The following MECOM variants were observed in gnomAD, a reference collection of about 807,000 sequenced individuals.
MECOM encodes MDS1 and EVI1 complex locus.
A neutral mutation model predicts 116.3 loss-of-function variants in MECOM; 13 were observed. The observed-to-expected ratio is 0.11, with a 90% CI of 0.07 to 0.18. The LOEUF is 0.18. Among genes scored for constraint, MECOM ranks in the 10% least tolerant of loss-of-function variants. The pLI is 1.00. For synonymous variants in MECOM, 528 were observed against 535.2 expected (o/e 0.99, Z 0.19); for missense variants, 1,299 against 1,509.0 (o/e 0.86, Z 2.31).
intron 3 of MECOM, among the ~76,000 whole-genome samples, chr3:169,142,504 T>C (rs1292164743): frequency 2.6e-5 from 4 of 151,972 alleles, no homozygotes; most frequent in African/African-American, 9.7e-5. Context: ...TATTTTCTGT[T>C]CACAATCAAT....
intron 1 of MECOM, among the ~76,000 whole-genome samples, chr3:169,534,548 T>TA (rs150716980): frequency 0.075 from 11,352 of 151,368 alleles, 505 homozygotes; most frequent in African/African-American, 0.12. Flanking sequence ...TTCCTTTTAT[T>TA]AAAAAAAAAC....
Position 169,227,920 on chromosome 3 carries a change from A to T in MECOM, c.376-84088T>A, listed in dbSNP as rs1037030733. ...GGGTGGGTATGGAGCAGTGTCCCTG[A>T]TGGGAACCATTGTTTTCTCATCCGA... On this transcript the variant is annotated intron_variant, in intron 2 of 16. Transcript: ENST00000651503. 2.0e-5 allele frequency among the ~76,000 whole-genome samples: 3 copies of T among 152,164 alleles called. 1 individual carries two copies. The highest frequency in any genetic ancestry group is 1.3e-4 in the Admixed American group (2 of 15,268).
intron 2 of MECOM, among the ~76,000 whole-genome samples, chr3:169,262,251 A>G (rs754601029): frequency 9.2e-5 from 14 of 152,226 alleles, no homozygotes; most frequent in Non-Finnish European, 1.3e-4. Context: ...GAACACTGGC[A>G]CATATTTTGG....
intron 1 of MECOM, chr3:169,470,119 T>G (rs1748959916): frequency 6.6e-6 from 1 of 152,208 alleles, no homozygotes; most frequent in Non-Finnish European, 1.5e-5. Context: ...AAAGTGTATA[T>G]GATTACAAAC....
chr3:169,377,187 T>C (rs377350677), intron 2 of MECOM, among the ~76,000 whole-genome samples: 303 of 152,258 alleles, frequency 2.0e-3, no homozygotes, highest in African/African-American at 7.0e-3. Context: ...TCAAGATGGA[T>C]TAAGATTTAC....
chr3:169,553,348 A>G (rs1346587191), intron 1 of MECOM, among the ~76,000 whole-genome samples: 3 of 152,256 alleles, frequency 2.0e-5, no homozygotes, highest in Non-Finnish European at 4.4e-5. Context: ...TGCTAAAAAA[A>G]GAAAATAAAG....
chr3:169,516,042 G>A (rs1168148194), intron 1 of MECOM, among the ~76,000 whole-genome samples: 4 of 151,912 alleles, frequency 2.6e-5, no homozygotes, highest in African/African-American at 9.7e-5. Context: ...TAAACACTAT[G>A]ACTAGTCAAA....
At chr3:169,107,709 G>A (rs952160187) in intron 10 of MECOM, among the ~76,000 whole-genome samples, 7 of 152,124 alleles carry the variant, frequency 4.6e-5, no homozygotes, top group African/African-American at 1.2e-4. Flanking sequence ...CAGATTTATC[G>A]AATAAAATCA....
chr3:169,102,317 G>A, intron 10 of MECOM, 91 bp from the exon 11 acceptor site: 1 of 1,226,206 alleles, frequency 8.2e-7, no homozygotes. Context: ...TAAAAGGGAA[G>A]CATGAAATCT....
chr3:169,149,620 G>T, intron 2 of MECOM: 1 of 469,390 alleles, frequency 2.1e-6, no homozygotes. Context: ...GTCCTTCCGA[G>T]CTACGAGAGG....
At chr3:169,340,793 T>C (rs919774120) in intron 2 of MECOM, among the ~76,000 whole-genome samples, 9 of 152,170 alleles carry the variant, frequency 5.9e-5, no homozygotes, top group African/African-American at 1.7e-4. Context: ...CTCAAGATGA[T>C]TTAGGGGATA....
At chr3:169,526,099 C>T (rs562902043) in intron 1 of MECOM, among the ~76,000 whole-genome samples, 1 of 151,874 alleles carries the variant, frequency 6.6e-6, no homozygotes, top group Admixed American at 6.6e-5. Flanking sequence ...AACAAATGCA[C>T]TGGAGGAAAA....
chr3:169,326,892 A>T (rs1235529035), intron 2 of MECOM, among the ~76,000 whole-genome samples: 1 of 152,200 alleles, frequency 6.6e-6, no homozygotes, highest in Non-Finnish European at 1.5e-5. Flanking sequence ...ATTGTAAAGG[A>T]CAATGTGGGT....
At chr3:169,113,731 C>T (rs1348104598) in intron 8 of MECOM, among the ~76,000 whole-genome samples, 1 of 151,998 alleles carries the variant, frequency 6.6e-6, no homozygotes, top group African/African-American at 2.4e-5. Context: ...TATGTGCACT[C>T]TTAAAGCAGA....
Position 169,127,644 on chromosome 3 carries a change from T to C in MECOM, c.830+200A>G, listed in dbSNP as rs188877642. Among the ~76,000 whole-genome samples, 14 of 152,308 alleles carry C rather than the reference T, an allele frequency of 9.2e-5. No homozygotes were observed. The East Asian group carries it at 2.1e-3, about 23-fold the overall frequency. On this transcript the variant is annotated intron_variant, in intron 5 of 16. Coordinates refer to ENST00000651503, the MANE Select transcript of MECOM (RefSeq NM_004991.4). Reference sequence around the variant, plus strand: ...ATATAACATTATTTTTCATCTGACATCAAAATAACTAATTCCAATTTCACT... The same window carrying C: ...ATATAACATTATTTTTCATCTGACACCAAAATAACTAATTCCAATTTCACT...
intron 1 of MECOM, among the ~76,000 whole-genome samples, chr3:169,584,099 A>G (rs1301465719): frequency 6.6e-6 from 1 of 152,166 alleles, no homozygotes; most frequent in Non-Finnish European, 1.5e-5. Context: ...TATTTGTCTT[A>G]ATGAGGCTCC....
intron 1 of MECOM, among the ~76,000 whole-genome samples, chr3:169,441,052 T>C (rs1232326867): frequency 3.3e-5 from 5 of 152,176 alleles, no homozygotes; most frequent in African/African-American, 1.2e-4. Flanking sequence ...TGCACTGACA[T>C]GAGGAATACA....
At chr3:169,659,120 T>C (rs1029587991) in intron 1 of MECOM, among the ~76,000 whole-genome samples, 4 of 144,268 alleles carry the variant, frequency 2.8e-5, no homozygotes, top group African/African-American at 1.0e-4. Flanking sequence ...GAAACCAAAA[T>C]TCGTGGAATG....
At chr3:169,631,438 G>C (rs1316931260) in intron 1 of MECOM, among the ~76,000 whole-genome samples, 3 of 152,130 alleles carry the variant, frequency 2.0e-5, no homozygotes, top group Admixed American at 6.5e-5. Flanking sequence ...GTTGACTAGA[G>C]AAAATAGCAA....
Sources: gnomAD v4.1 joint callset for allele counts (sites outside exome capture counted in the v4.1 genomes callset) on GRCh38, gnomAD v4.1.1 for gene constraint, MANE v1.5 for transcripts, NCBI Gene and HGNC (gene_info 2026-07-23, HGNC 2026-07-21) for gene names.